Variants in JHY observed in about 807,000 individuals in gnomAD.
The protein encoded by JHY is junctional cadherin complex regulator.
In JHY, 69 loss-of-function variants were observed where a neutral mutation model predicts 78.0. The ratio of observed to expected loss-of-function variants is 0.88; its 90% CI spans 0.73 to 1.08. JHY has a LOEUF of 1.08. Ranked by LOEUF, JHY falls within the 50% of genes least tolerant of loss-of-function variation. The probability of loss-of-function intolerance (pLI) is 0.00; values close to 1 mark genes in which losing one functional copy is unlikely to be tolerated. For synonymous variants in JHY, 368 were observed against 342.6 expected, an observed-to-expected ratio of 1.07 and a Z score of -0.82; for missense variants, 944 against 927.8, an observed-to-expected ratio of 1.02 and a Z score of -0.23.
At chr11:122,922,262 A>G (rs974604089) in intron 3 of JHY, among the ~76,000 whole-genome samples, 2 of 152,214 alleles carry the variant, frequency 1.3e-5, no homozygotes, top group Non-Finnish European at 2.9e-5. Flanking sequence ...CATTCACACC[A>G]TCTATCTGCC....
chr11:122,896,896 G>T (rs991155398), intron 2 of JHY, among the ~76,000 whole-genome samples: 4 of 152,102 alleles, frequency 2.6e-5, no homozygotes, highest in African/African-American at 9.7e-5. Context: ...TCACTCTATT[G>T]CCCAGGCTGG....
rs79071390 is a variant in JHY, at chr11:122,956,528, C to A, written c.1962C>A (p.Asp654Glu). 265 of 1,613,434 alleles carry A rather than the reference C, an allele frequency of 1.6e-4. No individual in the cohort carries two copies. The East Asian group carries it at 5.7e-3, about 35-fold the overall frequency. The part of the protein sequence containing the change: ...NTKLKGYQKR[D>E]VKLGGLGPDF... ...AGCTGAAAGGTTATCAGAAAAGAGA[C>A]GTGAAGCTTGGAGGCCTCGGACCTG... The change falls in exon 7 of 9, where the codon GAC becomes GAA. Residue 654 changes from aspartate to glutamate, a missense_variant. By Grantham distance (45) the Asp-to-Glu change is conservative. Transcript: ENST00000227349.
intron 5 of JHY, among the ~76,000 whole-genome samples, chr11:122,941,568 T>A (rs572269118): frequency 6.6e-6 from 1 of 152,342 alleles, no homozygotes; most frequent in Non-Finnish European, 1.5e-5. Context: ...TATATTCTTC[T>A]AAGGGTGTAC....
intron 2 of JHY, among the ~76,000 whole-genome samples, chr11:122,902,549 TAA>T (rs1321084760): frequency 6.6e-6 from 1 of 152,134 alleles, no homozygotes; most frequent in African/African-American, 2.4e-5. Context: ...GTAATTTATT[TAA>T]AAAAAGAAGT....
chr11:122,895,232 A>G (rs1253009460), intron 2 of JHY, among the ~76,000 whole-genome samples: 1 of 152,234 alleles, frequency 6.6e-6, no homozygotes, highest in Non-Finnish European at 1.5e-5. Context: ...ATTGGGAATA[A>G]TTATTCTGTT....
At chr11:122,890,142 A>G (rs1862581212) in intron 2 of JHY, among the ~76,000 whole-genome samples, 1 of 151,980 alleles carries the variant, frequency 6.6e-6, no homozygotes, top group Admixed American at 6.6e-5. Flanking sequence ...CAGATTAGAT[A>G]TGAGGATTGA....
At position 122,913,248 on chromosome 11, in the gene JHY, C is replaced by T. The variant is rs77186847; in HGVS notation, c.864+8804C>T. On this transcript the variant is annotated intron_variant, in intron 3 of 8. Transcript: ENST00000227349. ...TTACAGAACGCTACAATCTTGTATG[C>T]AACTAGTTGACAGTATTTAACAATT... Among the ~76,000 whole-genome samples, 371 of 152,218 alleles carry T rather than the reference C, an allele frequency of 2.4e-3. 1 individual carries two copies. The highest frequency in any genetic ancestry group is 3.5e-3 in the South Asian group (17 of 4,818).
At chr11:122,941,226 A>G (rs1218170435) in intron 5 of JHY, among the ~76,000 whole-genome samples, 3 of 152,162 alleles carry the variant, frequency 2.0e-5, no homozygotes, top group Non-Finnish European at 4.4e-5. Context: ...TAGACTCAAG[A>G]TCTCAGCAGT....
rs1863730906 is a variant in JHY, at chr11:122,935,311, T to G, written c.1634+236T>G. Among the ~76,000 whole-genome samples, 2 of 151,932 alleles carry G rather than the reference T, an allele frequency of 1.3e-5. No homozygotes were observed. Among genetic ancestry groups the G allele is most frequent in the Admixed American group, 6.6e-5 (1 of 15,256 alleles). On this transcript the variant is annotated intron_variant, in intron 5 of 8. Transcript: ENST00000227349. The surrounding 1 kb of genome is among the most constrained non-coding windows in gnomAD (Gnocchi z 4.5). ...GTGCAGTGGTGCCATCTTGGCTCATTGCAACCTCCGCCTCCCGAGCTCAAG... is the reference window on the plus strand; with the variant it reads ...GTGCAGTGGTGCCATCTTGGCTCATGGCAACCTCCGCCTCCCGAGCTCAAG...
intron 5 of JHY, among the ~76,000 whole-genome samples, chr11:122,945,893 T>C (rs73606722): frequency 0.1 from 15,550 of 152,164 alleles, 831 homozygotes; most frequent in East Asian, 0.19. Flanking sequence ...TTCTCATGGC[T>C]GGTGAATGGG....
intron 3 of JHY, chr11:122,905,581 T>C (rs1862971252): frequency 9.8e-7 from 1 of 1,016,546 alleles, no homozygotes; most frequent in Admixed American, 5.8e-5. Context: ...CTTAAAGAAT[T>C]ACGTCTGGTG....
chr11:122,904,315 C>A lies in JHY; in HGVS notation c.735C>A (p.Gly245=), dbSNP rs769563288. The A allele has an allele frequency of 3.1e-6, 5 of 1,613,962 alleles. No homozygotes were observed. The highest frequency in any genetic ancestry group is 4.5e-5 in the East Asian group (2 of 44,898). Residue 245 remains glycine (G), a synonymous_variant, in exon 3 of 9, where the codon GGC becomes GGA. Coordinates refer to ENST00000227349, the MANE Select transcript of JHY (RefSeq NM_024806.4). ...AGGTTTTCCTGCCGGGATCACGTGGCCCTCGGCGAAGGAAATCCAAACAAC... is the reference window on the plus strand; with the variant it reads ...AGGTTTTCCTGCCGGGATCACGTGGACCTCGGCGAAGGAAATCCAAACAAC... ...HNEVFLPGSR[G]PRRRKSKQHF... is the part of the protein sequence containing the mutation.
chr11:122,937,453 A>C (rs1239179460), intron 5 of JHY, among the ~76,000 whole-genome samples: 1 of 151,948 alleles, frequency 6.6e-6, no homozygotes, highest in Non-Finnish European at 1.5e-5. Context: ...TTCTCTTTCG[A>C]GACTTGCTTC....
At chr11:122,905,738 A>C (rs1212113947) in intron 3 of JHY, 1 of 259,394 alleles carries the variant, frequency 3.9e-6, no homozygotes, top group African/African-American at 2.3e-5. Context: ...GTGGTGATGC[A>C]CACCTGTAAT....
In JHY at chr11:122,935,038, T is replaced by C; in HGVS notation, c.1597T>C (p.Tyr533His). 1 of 1,589,452 alleles carries C rather than the reference T, an allele frequency of 6.3e-7. No individual in the cohort carries two copies. The highest frequency in any genetic ancestry group is 8.5e-7 in the Non-Finnish European group (1 of 1,171,306). Residue 533 changes from tyrosine (Y) to histidine (H), a missense_variant, in exon 5 of 9, where the codon TAT (tyrosine) becomes CAT (histidine). By Grantham distance (83) the Tyr-to-His change is moderately conservative. Coordinates refer to ENST00000227349, the MANE Select transcript of JHY (RefSeq NM_024806.4). The surrounding 1 kb of genome is among the most constrained non-coding windows in gnomAD (Gnocchi z 4.5). ...TKNKKQLKQP[Y>H]TETKYRNLEM... is the part of the protein sequence containing the mutation. ...AAATAAGAAACAACTCAAACAGCCTTATACAGAGACAAAATACAGGAACTT... is the reference window on the plus strand; with the variant it reads ...AAATAAGAAACAACTCAAACAGCCTCATACAGAGACAAAATACAGGAACTT...
Position 122,938,101 on chromosome 11 carries a change from G to T in JHY, c.1634+3026G>T, listed in dbSNP as rs964292890. On this transcript the variant is annotated intron_variant, in intron 5 of 8. Transcript: ENST00000227349. The stretch of plus-strand genomic sequence containing the variant: ...CTGAAGTGAAATTTCATAATATTGC[G>T]CCTTTGTATAGGTCTGTTTTCATAG... Among the ~76,000 whole-genome samples the T allele has an allele frequency of 2.6e-5, 4 of 151,602 alleles. No individual in the cohort carries two copies. The South Asian group carries it at 6.3e-4, about 24-fold the overall frequency.
At chr11:122,949,514 A>G (rs1045917281) in intron 6 of JHY, among the ~76,000 whole-genome samples, 4 of 152,248 alleles carry the variant, frequency 2.6e-5, no homozygotes, top group Admixed American at 6.5e-5. Flanking sequence ...AGCAAGAGAT[A>G]CTAACGAGAA....
chr11:122,904,069 C>A lies in JHY; in HGVS notation c.489C>A (p.Leu163=). ...SSLENLPLAP[L]YPSQETSMEL... is the part of the protein sequence containing the mutation. ...TAGAAAATCTGCCTTTGGCTCCCCT[C>A]TACCCTTCCCAGGAGACGTCAATGG... The change falls in exon 3 of 9, where the codon CTC becomes CTA. Residue 163 remains leucine (L), a synonymous_variant. Coordinates refer to ENST00000227349, the MANE Select transcript of JHY (RefSeq NM_024806.4). 6.2e-7 allele frequency: 1 copy of A among 1,614,182 alleles called. No individual in the cohort carries two copies. The highest frequency in any genetic ancestry group is 8.5e-7 in the Non-Finnish European group (1 of 1,180,034).
At chr11:122,920,373 A>G (rs1310481485) in intron 3 of JHY, among the ~76,000 whole-genome samples, 3 of 152,242 alleles carry the variant, frequency 2.0e-5, no homozygotes, top group East Asian at 1.9e-4. Context: ...AAAGAACCCA[A>G]TAAATTAATG....
Sources: gnomAD v4.1 joint callset for allele counts (sites outside exome capture counted in the v4.1 genomes callset) on GRCh38, gnomAD v4.1.1 for gene constraint, Gnocchi (gnomAD v3.1) non-coding constraint, MANE v1.5 for transcripts, NCBI Gene and HGNC (gene_info 2026-07-23, HGNC 2026-07-21) for gene names.